Variants in GFRA1 observed in about 807,000 individuals in gnomAD.
GFRA1 encodes the protein GDNF family receptor alpha-1.
Under a neutral mutation model 51.6 loss-of-function variants are expected in GFRA1, and 16 were observed. The ratio of observed to expected loss-of-function variants is 0.31; its 90% CI spans 0.21 to 0.47. The LOEUF (loss-of-function observed/expected upper bound fraction) is 0.47, where lower values mean the gene tolerates loss of function less well. Among genes scored for constraint, GFRA1 ranks in the 20% least tolerant of loss-of-function variants. The probability of loss-of-function intolerance (pLI) is 1.00; values close to 1 mark genes in which losing one functional copy is unlikely to be tolerated. For missense variants in GFRA1, 530 were observed against 594.3 expected (o/e 0.89, Z 1.13); for synonymous variants, 270 against 241.3 (o/e 1.12, Z -1.10).
At chr10:116,096,328 T>C in intron 7 of GFRA1, among the ~76,000 whole-genome samples, 1 of 152,140 alleles carries the variant, frequency 6.6e-6, no homozygotes, top group Admixed American at 6.5e-5. Flanking sequence ...TCTTCTTCCA[T>C]AACCAAACAT....
chr10:116,105,463 G>A (rs1303111198), intron 6 of GFRA1, among the ~76,000 whole-genome samples: 1 of 152,152 alleles, frequency 6.6e-6, no homozygotes. Context: ...ATTCTGGAAC[G>A]CTAAGAGGCT....
At chr10:116,099,183 T>C (rs1272545829) in intron 6 of GFRA1, among the ~76,000 whole-genome samples, 1 of 152,226 alleles carries the variant, frequency 6.6e-6, no homozygotes, top group Non-Finnish European at 1.5e-5. Flanking sequence ...AGCTCATCAC[T>C]GGTGAGTTGG....
At chr10:116,151,867 C>A (rs1488765417) in intron 5 of GFRA1, among the ~76,000 whole-genome samples, 3 of 152,132 alleles carry the variant, frequency 2.0e-5, no homozygotes, top group Admixed American at 6.5e-5. Flanking sequence ...GAACAAGATT[C>A]ATTTTATGGA....
chr10:116,177,241 G>T (rs1302611177), intron 5 of GFRA1, among the ~76,000 whole-genome samples: 1 of 152,162 alleles, frequency 6.6e-6, no homozygotes, highest in Non-Finnish European at 1.5e-5. Flanking sequence ...GCACATCTAT[G>T]AATTAGAAAG....
At chr10:116,270,780 C>CGGGGAGGGACACGGGGTGGGGT in intron 3 of GFRA1, 42 bp downstream of exon 3, 1 of 1,447,840 alleles carries the variant, frequency 6.9e-7, no homozygotes, top group Non-Finnish European at 9.5e-7. Context: ...CGCCTGCCTT[C>CGGGGAGGGACACGGGGTGGGGT]GGGGAGGGAC....
chr10:116,069,916 G>A (rs1487781599), intron 9 of GFRA1, among the ~76,000 whole-genome samples: 1 of 152,144 alleles, frequency 6.6e-6, no homozygotes, highest in Non-Finnish European at 1.5e-5. Flanking sequence ...ACTTAAAAGT[G>A]CACTCGCCCG....
chr10:116,153,296 G>C (rs984704587), intron 5 of GFRA1, among the ~76,000 whole-genome samples: 1 of 152,186 alleles, frequency 6.6e-6, no homozygotes, highest in African/African-American at 2.4e-5. Context: ...AGAGCACCCA[G>C]GGTTACCATT....
intron 6 of GFRA1, among the ~76,000 whole-genome samples, chr10:116,099,551 T>A (rs1002828320): frequency 2.0e-5 from 3 of 152,088 alleles, no homozygotes; most frequent in Non-Finnish European, 2.9e-5. Context: ...CACTCCCCCA[T>A]CCCACTAAAA....
At chr10:116,070,162 T>G (rs1279554441) in intron 9 of GFRA1, among the ~76,000 whole-genome samples, 1 of 152,210 alleles carries the variant, frequency 6.6e-6, no homozygotes, top group Non-Finnish European at 1.5e-5. Flanking sequence ...GATGCTCTGG[T>G]TCTTTTCTTC....
In GFRA1 at chr10:116,121,652, G is replaced by T. The variant is rs17094126; in HGVS notation, c.770+3569C>A. 4.9e-3 allele frequency among the ~76,000 whole-genome samples: 743 copies of T among 152,312 alleles called. 6 individuals carry two copies. Among genetic ancestry groups the T allele is most frequent in the African/African-American group, 0.017 (700 of 41,568 alleles). ...CTTGAACAGCTCTTTGATGGTTGCT[G>T]ATGTTAAGATGGAAATGGAGCATTT... On this transcript the variant is annotated intron_variant, in intron 6 of 10. Transcript: ENST00000355422.
intron 5 of GFRA1, among the ~76,000 whole-genome samples, chr10:116,154,212 G>A (rs1397984125): frequency 3.3e-5 from 5 of 152,116 alleles, no homozygotes; most frequent in Admixed American, 1.3e-4. Flanking sequence ...ATTCTCTTAC[G>A]ACCTGGCAAT....
At chr10:116,250,866 A>G (rs928951997) in intron 4 of GFRA1, among the ~76,000 whole-genome samples, 1 of 152,306 alleles carries the variant, frequency 6.6e-6, no homozygotes. Context: ...ACTGGTAAAA[A>G]GGGACCAGGC....
chr10:116,186,323 A>G (rs1962711636), intron 5 of GFRA1, among the ~76,000 whole-genome samples: 1 of 152,220 alleles, frequency 6.6e-6, no homozygotes, highest in Admixed American at 6.5e-5. Context: ...AACTCCCCGA[A>G]GCAACCTCCC....
intron 5 of GFRA1, among the ~76,000 whole-genome samples, chr10:116,172,216 C>G (rs1449811746): frequency 6.6e-6 from 1 of 152,134 alleles, no homozygotes; most frequent in East Asian, 1.9e-4. Flanking sequence ...TTCCTAATCC[C>G]TCTGCTGTGC....
upstream of GFRA1, among the ~76,000 whole-genome samples, chr10:116,273,793 T>G (rs111823216): frequency 2.6e-5 from 4 of 152,218 alleles, no homozygotes; most frequent in African/African-American, 9.6e-5. Flanking sequence ...CACAAAGTTT[T>G]CCCCCACGTC....
chr10:116,251,838 G>C (rs888555083), intron 4 of GFRA1, among the ~76,000 whole-genome samples: 5 of 152,104 alleles, frequency 3.3e-5, no homozygotes, highest in African/African-American at 1.2e-4. Flanking sequence ...AAGGGGCTGG[G>C]AATGCAGTCA....
intron 4 of GFRA1, among the ~76,000 whole-genome samples, chr10:116,242,798 T>C (rs1207885548): frequency 6.6e-6 from 1 of 152,170 alleles, no homozygotes; most frequent in Non-Finnish European, 1.5e-5. Flanking sequence ...GAATTTTTAA[T>C]AACAGAGTCC....
chr10:116,074,831 C>A (rs1392138607), intron 9 of GFRA1, among the ~76,000 whole-genome samples: 1 of 152,162 alleles, frequency 6.6e-6, no homozygotes, highest in African/African-American at 2.4e-5. Context: ...CAAGAACATG[C>A]AGAACCTATT....
chr10:116,150,567 G>A (rs1204790811), intron 5 of GFRA1, among the ~76,000 whole-genome samples: 1 of 152,216 alleles, frequency 6.6e-6, no homozygotes, highest in African/African-American at 2.4e-5. Context: ...AGTGGCACTT[G>A]TGGCTGCAGC....
Sources: gnomAD v4.1 joint callset for allele counts (sites outside exome capture counted in the v4.1 genomes callset) on GRCh38, gnomAD v4.1.1 for gene constraint, MANE v1.5 for transcripts, NCBI Gene and HGNC (gene_info 2026-07-23, HGNC 2026-07-21) for gene names.